SAP30: variants seen among roughly 807,000 people sequenced by gnomAD.
SAP30 encodes the protein histone deacetylase complex subunit SAP30.
A neutral mutation model predicts 19.6 loss-of-function variants in SAP30; 13 were observed. That is an observed-to-expected ratio of 0.66 (90% CI 0.43 to 1.05). SAP30 has a LOEUF of 1.05. Ranked by LOEUF, SAP30 falls within the 50% of genes least tolerant of loss-of-function variation. SAP30 has a pLI of 0.00. For synonymous variants in SAP30, 108 were observed against 122.7 expected, an observed-to-expected ratio of 0.88 and a Z score of 0.79; for missense variants, 257 against 292.1, an observed-to-expected ratio of 0.88 and a Z score of 0.88.
chr4:173,371,508 C>T lies in SAP30; in HGVS notation c.315+11C>T, dbSNP rs777611434. 4 of 1,579,174 alleles carry T rather than the reference C, an allele frequency of 2.5e-6. No homozygotes were observed. The African/African-American group carries it at 4.1e-5, about 16-fold the overall frequency. On this transcript the variant is annotated intron_variant, in intron 1 of 3. Transcript: ENST00000296504. This position sits in a 1 kb window ranked among gnomAD's most constrained non-coding sequence, Gnocchi z 6.4. ...GAGCTGGATAAGAGCGTAAGTAAAC[C>T]GCGGGACCGCCCTGCCCTCCCGCCC...
chr4:173,371,411 G>A lies in SAP30; in HGVS notation c.229G>A (p.Gly77Ser). ...CCTGCGGGAGGATGGTGAGCGGTGC[G>A]GCCGGGCGGCAGGCAACGCCAGCTT... ...CCLREDGERC[G>S]RAAGNASFSK... Residue 77 changes from glycine to serine, a missense_variant, in exon 1 of 4, where the codon GGC becomes AGC. Coordinates refer to ENST00000296504, the MANE Select transcript of SAP30 (RefSeq NM_003864.4). This position sits in a 1 kb window ranked among gnomAD's most constrained non-coding sequence, Gnocchi z 6.4. 6.3e-7 allele frequency: 1 copy of A among 1,590,386 alleles called. No individual in the cohort carries two copies. The highest frequency in any genetic ancestry group is 1.7e-4 in the Middle Eastern group (1 of 6,022).
chr4:173,375,918 T>C (rs1251763791), intron 3 of SAP30, among the ~76,000 whole-genome samples: 1 of 152,180 alleles, frequency 6.6e-6, no homozygotes, highest in Non-Finnish European at 1.5e-5. Context: ...CAAACCCTCT[T>C]GTGAAGTGCA....
At chr4:173,373,590 A>G (rs1246148905) in intron 2 of SAP30, 75 bp downstream of exon 2, 3 of 1,366,622 alleles carry the variant, frequency 2.2e-6, no homozygotes, top group Non-Finnish European at 2.9e-6. Context: ...AGATATGAAC[A>G]ATCTTTTAAG....
At position 173,371,383 on chromosome 4, in the gene SAP30, C is replaced by T. The variant is rs757956394; in HGVS notation, c.201C>T (p.Cys67=). Residue 67 remains cysteine (C), a synonymous_variant, in exon 1 of 4, where the codon TGC becomes TGT. Transcript: ENST00000296504. The surrounding 1 kb of genome is among the most constrained non-coding windows in gnomAD (Gnocchi z 6.4). ...GAAGPGPGQL[C]CLREDGERCG... ...CCGGGCCGGGCCCCGGGCAACTGTG[C>T]TGCCTGCGGGAGGATGGTGAGCGGT... 2.5e-6 allele frequency: 4 copies of T among 1,573,574 alleles called. No homozygotes were observed. The highest frequency in any genetic ancestry group is 3.4e-6 in the Non-Finnish European group (4 of 1,167,300).
chr4:173,374,280 G>A (rs1739000046), intron 3 of SAP30, among the ~76,000 whole-genome samples: 2 of 152,078 alleles, frequency 1.3e-5, no homozygotes. Flanking sequence ...TTCAAAATGT[G>A]TTGATTGTTT....
chr4:173,371,473 GGT>G lies in SAP30; in HGVS notation c.293_294del (p.Val98GlufsTer6), dbSNP rs750635248. 6.3e-7 allele frequency: 1 copy of G among 1,589,472 alleles called. No homozygotes were observed. Among genetic ancestry groups the G allele is most frequent in the Non-Finnish European group, 8.5e-7 (1 of 1,174,038 alleles). On this transcript the variant is annotated frameshift_variant, in exon 1 of 4. Coordinates refer to ENST00000296504, the MANE Select transcript of SAP30 (RefSeq NM_003864.4). LOFTEE classifies it high-confidence loss of function. The surrounding 1 kb of genome is among the most constrained non-coding windows in gnomAD (Gnocchi z 6.4). ...TCCAGAAGAGCATCTCCCAGAAGAAGGTGAAGATCGAGCTGGATAAGAGCGTA... is the reference window on the plus strand; with the variant it reads ...TCCAGAAGAGCATCTCCCAGAAGAAGGAAGATCGAGCTGGATAAGAGCGTA... The part of the protein sequence containing the change: ...RIQKSISQKK[V>X]KIELDKSARH...
At chr4:173,374,116 T>G in intron 3 of SAP30, 79 bp downstream of exon 3, 1 of 686,718 alleles carries the variant, frequency 1.5e-6, no homozygotes, top group Non-Finnish European at 2.5e-6. Context: ...TTTAATGTAG[T>G]GTATGTAACA....
At chr4:173,373,546 A>T in intron 2 of SAP30, 31 bp downstream of exon 2, 1 of 1,568,804 alleles carries the variant, frequency 6.4e-7, no homozygotes, top group Non-Finnish European at 8.6e-7. Context: ...CTTAATGTAA[A>T]TCCTAAGTAG....
At chr4:173,373,350 A>C (rs755826320) in intron 1 of SAP30, 40 bp from the exon 2 acceptor site, 2 of 1,552,418 alleles carry the variant, frequency 1.3e-6, no homozygotes, top group Non-Finnish European at 1.7e-6. Flanking sequence ...GACACATTTT[A>C]CTGTAATCAT....
At chr4:173,376,068 C>T (rs1009052541) in intron 3 of SAP30, among the ~76,000 whole-genome samples, 1 of 152,146 alleles carries the variant, frequency 6.6e-6, no homozygotes, top group African/African-American at 2.4e-5. Flanking sequence ...ATCTCTGGTG[C>T]CAAAAAGGTT....
In SAP30 at chr4:173,371,207, A is replaced by G. The variant is rs1173112070; in HGVS notation, c.25A>G (p.Met9Val). ...CATGAACGGCTTCACGCCTGACGAG[A>G]TGAGCCGCGGCGGGGATGCGGCCGC... is the stretch of plus-strand genomic sequence containing the variant. MNGFTPDE[M>V]SRGGDAAAAV... Residue 9 changes from methionine (M) to valine (V), a missense_variant, in exon 1 of 4, where the codon ATG (methionine) becomes GTG (valine). Transcript: ENST00000296504. The surrounding 1 kb of genome is among the most constrained non-coding windows in gnomAD (Gnocchi z 6.4). 1 of 1,456,560 alleles carries G rather than the reference A, an allele frequency of 6.9e-7. No individual in the cohort carries two copies. Among genetic ancestry groups the G allele is most frequent in the South Asian group, 1.2e-5 (1 of 80,714 alleles). The allele number at this position is 1,456,560 out of a possible 1,614,324, so 90.2% of individuals were successfully genotyped here.
At position 173,371,320 on chromosome 4, in the gene SAP30, C is replaced by T. The variant is rs746685104; in HGVS notation, c.138C>T (p.Gly46=). 11 of 1,311,888 alleles carry T rather than the reference C, an allele frequency of 8.4e-6. No homozygotes were observed. Among genetic ancestry groups the T allele is most frequent in the African/African-American group, 3.2e-5 (2 of 63,112 alleles). 81.3% of individuals were successfully genotyped at this position (1,311,888 alleles called of 1,614,324 possible). A position where few individuals can be genotyped will look rare whatever the true frequency, so the allele number is the denominator to read the frequency against. The change falls in exon 1 of 4, where the codon GGC becomes GGT. Residue 46 remains glycine, a synonymous_variant. Coordinates refer to ENST00000296504, the MANE Select transcript of SAP30 (RefSeq NM_003864.4). This position sits in a 1 kb window ranked among gnomAD's most constrained non-coding sequence, Gnocchi z 6.4. ...TGAGTGAEVP[G]AGAVSAAGPP... is the part of the protein sequence containing the mutation. ...CGGGCACCGGGGCTGAGGTGCCGGG[C>T]GCGGGGGCGGTCTCAGCGGCTGGGC...
rs776913689 is a variant in SAP30 at position 173,373,419 on chromosome 4, T to C, written c.345T>C (p.His115=). 27 of 1,611,026 alleles carry C rather than the reference T, an allele frequency of 1.7e-5. 1 individual carries two copies. In the South Asian group the frequency reaches 2.4e-4, roughly 14 times the overall value. ...SARHLYICDY[H]KNLIQSVRNR... ...GGCATCTTTACATATGTGATTATCA[T>C]AAAAACTTAATTCAGAGTGTTCGAA... Residue 115 remains histidine, a synonymous_variant, in exon 2 of 4, where the codon CAT becomes CAC. Transcript: ENST00000296504.
intron 3 of SAP30, among the ~76,000 whole-genome samples, chr4:173,374,907 G>C (rs915870971): frequency 4.0e-5 from 6 of 151,760 alleles, no homozygotes; most frequent in Non-Finnish European, 2.9e-5. Context: ...CTTGTAGTTT[G>C]CTTTGATAGA....
chr4:173,374,101 G>A (rs1255709420), intron 3 of SAP30, 64 bp downstream of exon 3: 2 of 870,908 alleles, frequency 2.3e-6, no homozygotes, highest in Non-Finnish European at 3.6e-6. Context: ...AGTGCTAATG[G>A]AAGTTTTAAT....
At chr4:173,373,012 G>C (rs1324076769) in intron 1 of SAP30, among the ~76,000 whole-genome samples, 1 of 152,140 alleles carries the variant, frequency 6.6e-6, no homozygotes, top group Non-Finnish European at 1.5e-5. Flanking sequence ...TGGAACTCCT[G>C]AGCTCAAGTG....
Position 173,371,963 on chromosome 4 carries a change from G to A in SAP30, c.315+466G>A, listed in dbSNP as rs1024338530. On this transcript the variant is annotated intron_variant, in intron 1 of 3. Transcript: ENST00000296504. The surrounding 1 kb of genome is among the most constrained non-coding windows in gnomAD (Gnocchi z 6.4). ...AAAGCGGAGGACCTTCACGAACAAG[G>A]AAGATCCTGTTCTTTTCTGTGTTCC... 2.0e-5 allele frequency among the ~76,000 whole-genome samples: 3 copies of A among 152,214 alleles called. No homozygotes were observed. The highest frequency in any genetic ancestry group is 7.2e-5 in the African/African-American group (3 of 41,440).
chr4:173,374,237 G>A (rs922878398), intron 3 of SAP30, among the ~76,000 whole-genome samples, 200 bp downstream of exon 3: 1 of 152,148 alleles, frequency 6.6e-6, no homozygotes, highest in Admixed American at 6.5e-5. Context: ...TGACTGCTTA[G>A]TAGATTGTGT....
In SAP30 at chr4:173,377,285, C is replaced by T. The variant is rs1739061599; in HGVS notation, c.621C>T (p.Asp207=). Residue 207 remains aspartate, a synonymous_variant, in exon 4 of 4, where the codon GAC becomes GAT. Transcript: ENST00000296504. Reference sequence around the variant, plus strand: ...ATTTCATCTACTCAGTGAAGAATGACAAGAACAAATCAGATCTCAAGGTTG... The same window carrying T: ...ATTTCATCTACTCAGTGAAGAATGATAAGAACAAATCAGATCTCAAGGTTG... ...LTYFIYSVKN[D]KNKSDLKVDS... The T allele has an allele frequency of 6.8e-6, 11 of 1,609,262 alleles. No homozygotes were observed. The highest frequency in any genetic ancestry group is 8.5e-6 in the Non-Finnish European group (10 of 1,178,158).
Sources: allele counts gnomAD v4.1 joint callset (sites outside exome capture counted in the v4.1 genomes callset), GRCh38; gene constraint gnomAD v4.1.1; non-coding constraint Gnocchi (gnomAD v3.1); transcripts MANE v1.5; gene names NCBI Gene and HGNC (gene_info 2026-07-23, HGNC 2026-07-21).